Variants in IL4R observed in about 807,000 individuals in gnomAD.
The protein encoded by IL4R is interleukin 4 receptor, also known as interleukin-4 receptor subunit alpha.
Under a neutral mutation model 41.5 loss-of-function variants are expected in IL4R, and 17 were observed. The ratio of observed to expected loss-of-function variants is 0.41; its 90% CI spans 0.28 to 0.61. The LOEUF (loss-of-function observed/expected upper bound fraction) is 0.61, where lower values mean the gene tolerates loss of function less well. IL4R is among the 20% of genes least tolerant of loss of function. The probability of loss-of-function intolerance (pLI) is 0.31; values close to 1 mark genes in which losing one functional copy is unlikely to be tolerated. For missense variants in IL4R, 974 were observed against 1,043.1 expected, an observed-to-expected ratio of 0.93 and a Z score of 0.91; for synonymous variants, 402 against 422.9, an observed-to-expected ratio of 0.95 and a Z score of 0.61.
At chr16:27,352,723 G>C (rs1454422679) in intron 7 of IL4R, 27 bp downstream of exon 7, 1 of 1,608,266 alleles carries the variant, frequency 6.2e-7, no homozygotes, top group East Asian at 2.2e-5. Flanking sequence ...CTAAGCAATG[G>C]TAATCTCCAC....
chr16:27,320,201 G>C (rs1234120411), intron 1 of IL4R, among the ~76,000 whole-genome samples: 2 of 152,154 alleles, frequency 1.3e-5, no homozygotes, highest in African/African-American at 4.8e-5. Flanking sequence ...TCTAATGCCT[G>C]ATGATCTGTC....
At chr16:27,347,052 G>A (rs1040628643) in intron 6 of IL4R, among the ~76,000 whole-genome samples, 2 of 152,172 alleles carry the variant, frequency 1.3e-5, no homozygotes, top group African/African-American at 4.8e-5. Context: ...CAGCTGACTC[G>A]TTTACTAATT....
chr16:27,340,327 G>A (rs2085400845), intron 3 of IL4R, 54 bp downstream of exon 3: 3 of 1,394,116 alleles, frequency 2.2e-6, no homozygotes, highest in Non-Finnish European at 3.1e-6. Context: ...GCGTGCCAGG[G>A]TCCTGCAGTA....
chr16:27,354,083 A>G (rs1567329910), intron 7 of IL4R: 1 of 152,272 alleles, frequency 6.6e-6, no homozygotes, highest in East Asian at 1.9e-4. Flanking sequence ...AAATGGTCAC[A>G]TGACTACACA....
rs928992937 is a variant in IL4R at position 27,359,738 on chromosome 16, T to C, written c.849+744T>C. 8.9e-6 allele frequency: 4 copies of C among 448,652 alleles called. No homozygotes were observed. The East Asian group carries it at 2.1e-4, about 24-fold the overall frequency. 27.8% of individuals were successfully genotyped at this position (448,652 alleles called of 1,614,324 possible). ...CAGTGTTTACCTGGTAGGACAGATA[T>C]TGGAATTTATTGAGACAATACATAT... On this transcript the variant is annotated intron_variant, in intron 9 of 10. Transcript: ENST00000395762.
chr16:27,352,277 T>C (rs796892906), intron 6 of IL4R, among the ~76,000 whole-genome samples: 1 of 152,226 alleles, frequency 6.6e-6, no homozygotes, highest in African/African-American at 2.4e-5. Flanking sequence ...CAGATGAGAT[T>C]GAATTATCTC....
intron 8 of IL4R, 95 bp from the exon 9 acceptor site, chr16:27,358,821 G>A (rs1241379404): frequency 1.1e-6 from 1 of 892,342 alleles, no homozygotes; most frequent in East Asian, 2.5e-5. Context: ...GATCTCTGAT[G>A]CCAAATAAGT....
Position 27,321,201 on chromosome 16 carries a change from C to A in IL4R, c.-152+7181C>A, listed in dbSNP as rs193272678. Among the ~76,000 whole-genome samples, 3 of 152,252 alleles carry A rather than the reference C, an allele frequency of 2.0e-5. No individual in the cohort carries two copies. The East Asian group carries it at 5.8e-4, about 29-fold the overall frequency. ...TAGGGTGATCCGCCCACCTCAGCCT[C>A]CCAAAGTGCTGGTATTACAGGTGTG... is the stretch of plus-strand genomic sequence containing the variant. On this transcript the variant is annotated intron_variant, in intron 1 of 10. Coordinates refer to ENST00000395762, the MANE Select transcript of IL4R (RefSeq NM_000418.4).
intron 1 of IL4R, among the ~76,000 whole-genome samples, chr16:27,319,946 T>C (rs1390404075): frequency 6.6e-6 from 1 of 152,184 alleles, no homozygotes; most frequent in Non-Finnish European, 1.5e-5. Context: ...CTTGGCTCAC[T>C]GCAATCTCCA....
chr16:27,323,066 G>A (rs1451546802), intron 1 of IL4R, among the ~76,000 whole-genome samples: 1 of 152,136 alleles, frequency 6.6e-6, no homozygotes, highest in Non-Finnish European at 1.5e-5. Flanking sequence ...GGTATGGGGT[G>A]AGACAACAGG....
intron 6 of IL4R, 105 bp from the exon 7 acceptor site, chr16:27,352,435 G>A (rs1455496767): frequency 9.2e-6 from 8 of 866,066 alleles, no homozygotes; most frequent in African/African-American, 5.0e-5. Context: ...TACCCAGGCT[G>A]GTGGCTCTTA....
chr16:27,349,306 A>G (rs3024589), intron 6 of IL4R, among the ~76,000 whole-genome samples: 80,390 of 151,552 alleles, frequency 0.53, 21,448 homozygotes, highest in East Asian at 0.64. Context: ...CCACAGCACT[A>G]TAGGCACCAA....
intron 2 of IL4R, among the ~76,000 whole-genome samples, chr16:27,333,264 T>G (rs1014958324): frequency 6.6e-6 from 1 of 151,858 alleles, no homozygotes; most frequent in Non-Finnish European, 1.5e-5. Flanking sequence ...GATAAAATCC[T>G]CAGGACTTTT....
intron 4 of IL4R, 35 bp downstream of exon 4, chr16:27,342,294 T>TTGTGCCCAAAGGG (rs1333908453): frequency 6.2e-7 from 1 of 1,612,940 alleles, no homozygotes; most frequent in Admixed American, 1.7e-5. Flanking sequence ...TTTGGGGAGG[T>TTGTGCCCAAAGGG]TGTGCCCAAA....
intron 1 of IL4R, among the ~76,000 whole-genome samples, chr16:27,323,156 T>C (rs1261887087): frequency 6.6e-6 from 1 of 152,252 alleles, no homozygotes; most frequent in Non-Finnish European, 1.5e-5. Context: ...AGCTCTTACC[T>C]GTGCCCATGT....
chr16:27,318,906 A>T (rs1418916543), intron 1 of IL4R: 1 of 152,122 alleles, frequency 6.6e-6, no homozygotes, highest in East Asian at 1.9e-4. Flanking sequence ...ACGCGCTCAC[A>T]TATCTCGAGT....
In IL4R at chr16:27,327,322, C is replaced by T. The variant is rs760898153; in HGVS notation, c.-151-2744C>T. 6.6e-5 allele frequency among the ~76,000 whole-genome samples: 10 copies of T among 152,186 alleles called. 1 individual carries two copies. Among genetic ancestry groups the T allele is most frequent in the East Asian group, 1.9e-4 (1 of 5,198 alleles). On this transcript the variant is annotated intron_variant, in intron 1 of 10. Transcript: ENST00000395762. ...CCCCCAGTCCTCCGCCCCCTGCCCC[C>T]CTGCCACCCGCTGTGGGTTCGGGAA...
At chr16:27,316,253 C>A (rs1460558385) in intron 1 of IL4R, among the ~76,000 whole-genome samples, 1 of 152,072 alleles carries the variant, frequency 6.6e-6, no homozygotes, top group East Asian at 1.9e-4. Context: ...GCCTCTAGCC[C>A]CAGCTATTTG....
rs1424209056 is a variant in IL4R, at chr16:27,346,448, G to C, written c.362-19G>C. On this transcript the variant is annotated intron_variant, in intron 5 of 10. Coordinates refer to ENST00000395762, the MANE Select transcript of IL4R (RefSeq NM_000418.4). ...GAGTCACTGCATAGATCCTCACATA[G>C]AGGCCGCTTCTCCCGCAGTGAAACC... 2 of 1,613,962 alleles carry C rather than the reference G, an allele frequency of 1.2e-6. No individual in the cohort carries two copies. The highest frequency in any genetic ancestry group is 2.2e-5 in the South Asian group (2 of 91,076).
Sources: gnomAD v4.1 joint callset for allele counts (sites outside exome capture counted in the v4.1 genomes callset) on GRCh38, gnomAD v4.1.1 for gene constraint, MANE v1.5 for transcripts, NCBI Gene and HGNC (gene_info 2026-07-23, HGNC 2026-07-21) for gene names.